CD38: variants seen among roughly 807,000 people sequenced by gnomAD.
CD38 encodes ADP-ribosyl cyclase/cyclic ADP-ribose hydrolase 1.
Under a neutral mutation model 36.3 loss-of-function variants are expected in CD38, and 31 were observed. The ratio of observed to expected loss-of-function variants is 0.85; its 90% confidence interval spans 0.64 to 1.15. The LOEUF is 1.15. Among genes scored for constraint, CD38 ranks in the 50% most tolerant of loss-of-function variants. CD38 has a pLI of 0.00. For missense variants in CD38, 380 were observed against 371.9 expected (o/e 1.02, Z -0.18); for synonymous variants, 131 against 135.2 (o/e 0.97, Z 0.22).
intron 1 of CD38, among the ~76,000 whole-genome samples, chr4:15,808,939 T>A (rs111915527): frequency 4.1e-4 from 63 of 152,304 alleles, no homozygotes; most frequent in African/African-American, 1.4e-3. Context: ...GGCTGTCTGG[T>A]GAAGTGTCTA....
At chr4:15,797,072 G>A (rs187971633) in intron 1 of CD38, among the ~76,000 whole-genome samples, 8 of 152,218 alleles carry the variant, frequency 5.3e-5, no homozygotes, top group Admixed American at 2.0e-4. Context: ...TCTTCTTGAG[G>A]TAATGAGAAC....
intron 7 of CD38, among the ~76,000 whole-genome samples, chr4:15,847,905 T>G (rs1398396092): frequency 2.0e-5 from 3 of 152,226 alleles, no homozygotes; most frequent in Non-Finnish European, 2.9e-5. Context: ...GGCTTCCATT[T>G]GGACTTGTAC....
chr4:15,792,218 T>G (rs1723014616), intron 1 of CD38, among the ~76,000 whole-genome samples: 1 of 103,512 alleles, frequency 9.7e-6, no homozygotes, highest in Non-Finnish European at 1.8e-5. Flanking sequence ...AACAGATGCT[T>G]GAAGGCAGCA....
chr4:15,811,583 T>C (rs1426943688), intron 1 of CD38, among the ~76,000 whole-genome samples: 4 of 152,218 alleles, frequency 2.6e-5, no homozygotes, highest in Non-Finnish European at 5.9e-5. Context: ...TAATTGATGG[T>C]AACTGTAAGA....
intron 1 of CD38, among the ~76,000 whole-genome samples, chr4:15,808,678 G>T (rs957870257): frequency 6.6e-6 from 1 of 152,114 alleles, no homozygotes; most frequent in South Asian, 2.1e-4. Context: ...AAGATGCCCT[G>T]GTTTTAAGGT....
intron 4 of CD38, 35 bp downstream of exon 4, chr4:15,834,337 A>G (rs1460419225): frequency 3.1e-6 from 4 of 1,305,752 alleles, no homozygotes; most frequent in Admixed American, 1.7e-5. Context: ...AGAGCTTTGG[A>G]GACCACAGAA....
At chr4:15,793,528 G>A (rs1456609389) in intron 1 of CD38, among the ~76,000 whole-genome samples, 2 of 152,086 alleles carry the variant, frequency 1.3e-5, no homozygotes, top group African/African-American at 4.8e-5. Flanking sequence ...TCTACTGAAT[G>A]ATGTAAGTTT....
rs375946716 is a variant in CD38, at chr4:15,779,185, G to A, written c.233+538G>A. On this transcript the variant is annotated intron_variant, in intron 1 of 7. Coordinates refer to ENST00000226279, the MANE Select transcript of CD38 (RefSeq NM_001775.4). ...TAGAAGGGCCAAACCACGGAACTTA[G>A]TTTTATTCATTTATATAAAGCAGCA... 1.2e-4 allele frequency among the ~76,000 whole-genome samples: 19 copies of A among 152,310 alleles called. No individual in the cohort carries two copies. In the East Asian group the frequency reaches 1.5e-3, roughly 12 times the overall value.
At chr4:15,816,138 T>C (rs1229299477) in intron 1 of CD38, among the ~76,000 whole-genome samples, 1 of 152,194 alleles carries the variant, frequency 6.6e-6, no homozygotes, top group Non-Finnish European at 1.5e-5. Context: ...TGGATAAGCT[T>C]TTTGATGTGC....
chr4:15,842,053 C>T (rs1724224757), intron 7 of CD38, among the ~76,000 whole-genome samples: 1 of 138,062 alleles, frequency 7.2e-6, no homozygotes. Context: ...TGGGTGGAGC[C>T]CACCACAGCT....
intron 1 of CD38, among the ~76,000 whole-genome samples, chr4:15,792,473 G>GAAAAAAAA (rs1723026108): frequency 8.0e-6 from 1 of 124,386 alleles, no homozygotes; most frequent in African/African-American, 3.5e-5. Context: ...AAAAAGAAAA[G>GAAAAAAAA]AAAAGAAAAG....
rs902759108 is a variant in CD38, at chr4:15,853,193, CAA to C, written c.*4595_*4596del. The stretch of plus-strand genomic sequence containing the variant: ...TAGTTTGAAATTTATTTGTAACAGA[CAA>C]AAATGAATTAAACAAACAATAAAAG... On this transcript the variant is annotated 3_prime_UTR_variant, in exon 8 of 8. Coordinates refer to ENST00000226279, the MANE Select transcript of CD38 (RefSeq NM_001775.4). The C allele has an allele frequency of 4.6e-5, 7 of 152,096 alleles. No individual in the cohort carries two copies. The highest frequency in any genetic ancestry group is 3.9e-4 in the Admixed American group (6 of 15,258). The allele number at this position is 152,096 out of a possible 1,614,324, so 9.4% of individuals were successfully genotyped here.
intron 4 of CD38, among the ~76,000 whole-genome samples, chr4:15,837,174 C>T (rs186616388): frequency 1.2e-4 from 18 of 152,294 alleles, no homozygotes; most frequent in African/African-American, 3.8e-4. Flanking sequence ...AACCTCCTTG[C>T]GTTCCCCACT....
chr4:15,799,404 A>T (rs1723169357), intron 1 of CD38, among the ~76,000 whole-genome samples: 1 of 152,204 alleles, frequency 6.6e-6, no homozygotes, highest in Non-Finnish European at 1.5e-5. Flanking sequence ...TTAAATTACT[A>T]ATGCTTTGAT....
chr4:15,779,208 G>C (rs1722632561), intron 1 of CD38, among the ~76,000 whole-genome samples: 1 of 152,196 alleles, frequency 6.6e-6, no homozygotes, highest in South Asian at 2.1e-4. Context: ...ATATAAAGCA[G>C]CACTCCGATT....
At position 15,850,530 on chromosome 4, in the gene CD38, G is replaced by A. The variant is rs1724361295; in HGVS notation, c.*1928G>A. ...AAATAAGGATTACAAAACTTAAAAT[G>A]TGGTAAGTACTAAAGACGACAGCAA... On this transcript the variant is annotated 3_prime_UTR_variant, in exon 8 of 8. Coordinates refer to ENST00000226279, the MANE Select transcript of CD38 (RefSeq NM_001775.4). 1 of 152,178 alleles carries A rather than the reference G, an allele frequency of 6.6e-6. No individual in the cohort carries two copies. Among genetic ancestry groups the A allele is most frequent in the Non-Finnish European group, 1.5e-5 (1 of 68,038 alleles). 9.4% of individuals were successfully genotyped at this position (152,178 alleles called of 1,614,324 possible).
intron 1 of CD38, among the ~76,000 whole-genome samples, chr4:15,780,534 A>G (rs147802171): frequency 0.39 from 55,535 of 144,058 alleles, 10,928 homozygotes; most frequent in Non-Finnish European, 0.43. Flanking sequence ...ACACACACAC[A>G]CACACACACA....
chr4:15,791,692 G>T (rs1246132266), intron 1 of CD38, among the ~76,000 whole-genome samples: 2 of 83,080 alleles, frequency 2.4e-5, no homozygotes, highest in African/African-American at 9.3e-5. Flanking sequence ...TCAGCCCCCC[G>T]CCTGGCCAGC....
intron 3 of CD38, among the ~76,000 whole-genome samples, chr4:15,827,687 A>AT (rs972204282): frequency 1.3e-5 from 2 of 151,680 alleles, no homozygotes; most frequent in African/African-American, 4.8e-5. Flanking sequence ...AATTTGTTCA[A>AT]TTTTTCTTGA....
Sources: allele counts gnomAD v4.1 joint callset (sites outside exome capture counted in the v4.1 genomes callset), GRCh38; gene constraint gnomAD v4.1.1; transcripts MANE v1.5; gene names NCBI Gene and HGNC (gene_info 2026-07-23, HGNC 2026-07-21).